Variants in WWOX observed in about 807,000 individuals in gnomAD.
The protein encoded by WWOX is WW domain-containing oxidoreductase.
WWOX carries 69 observed loss-of-function variants against 46.2 expected under a neutral mutation model. The observed-to-expected ratio is 1.49, with a 90% CI of 1.23 to 1.82. The LOEUF (loss-of-function observed/expected upper bound fraction) is 1.82. Among genes scored for constraint, WWOX ranks in the 40% most tolerant of loss-of-function variants. The pLI is 0.00. For missense variants in WWOX, 919 were observed against 542.6 expected, an observed-to-expected ratio of 1.69 and a Z score of -6.89; for synonymous variants, 359 against 202.6, an observed-to-expected ratio of 1.77 and a Z score of -6.56.
At chr16:78,382,616 A>C (rs1018603617) in intron 5 of WWOX, among the ~76,000 whole-genome samples, 2 of 152,206 alleles carry the variant, frequency 1.3e-5, no homozygotes, top group African/African-American at 4.8e-5. Context: ...TGGTTTTGCC[A>C]ATGAAGAGAG....
At chr16:78,727,351 A>T (rs1392515066) in intron 8 of WWOX, among the ~76,000 whole-genome samples, 2 of 152,174 alleles carry the variant, frequency 1.3e-5, no homozygotes, top group Non-Finnish European at 2.9e-5. Flanking sequence ...GTGAGCTGAG[A>T]TCCAGCCTGG....
rs1031010387 is a variant in WWOX at position 79,033,015 on chromosome 16, T to G, written c.1057-178593T>G. 8.6e-5 allele frequency among the ~76,000 whole-genome samples: 13 copies of G among 151,748 alleles called. No individual in the cohort carries two copies. In the East Asian group the frequency reaches 2.3e-3, roughly 27 times the overall value. On this transcript the variant is annotated intron_variant, in intron 8 of 8. Transcript: ENST00000566780. ...GTTCCCACTTATAAGTGAGAACATA[T>G]GGTATTTGCATTTTCTGTTATTGAA...
intron 8 of WWOX, among the ~76,000 whole-genome samples, chr16:78,935,691 C>G (rs2045722403): frequency 6.6e-6 from 1 of 151,700 alleles, no homozygotes; most frequent in African/African-American, 2.4e-5. Flanking sequence ...ACCGACATGG[C>G]ACATGTATAC....
At chr16:78,939,916 C>G (rs12921094) in intron 8 of WWOX, among the ~76,000 whole-genome samples, 64,436 of 152,132 alleles carry the variant, frequency 0.42, 13,890 homozygotes, top group Middle Eastern at 0.49. Context: ...GTTGAAGGCC[C>G]AAGTTTACCC....
At chr16:78,500,751 G>T (rs150193988) in intron 8 of WWOX, among the ~76,000 whole-genome samples, 8 of 152,138 alleles carry the variant, frequency 5.3e-5, no homozygotes, top group Non-Finnish European at 7.4e-5. Flanking sequence ...CATTTAATTC[G>T]AAAGCTTTTT....
chr16:78,218,384 G>GC (rs1266861206), intron 5 of WWOX, among the ~76,000 whole-genome samples: 1 of 151,896 alleles, frequency 6.6e-6, no homozygotes, highest in Non-Finnish European at 1.5e-5. Context: ...ACCATGCCTG[G>GC]CCTTTGCTTG....
chr16:78,619,931 A>G (rs1264211443), intron 8 of WWOX, among the ~76,000 whole-genome samples: 4 of 152,092 alleles, frequency 2.6e-5, no homozygotes. Flanking sequence ...AATAAAAATA[A>G]AAGTAACAGA....
Position 78,817,172 on chromosome 16 carries a change from CTTTTTTT to C in WWOX, c.1056+384441_1056+384447del, listed in dbSNP as rs33981779. Among the ~76,000 whole-genome samples the C allele has an allele frequency of 4.9e-3, 251 of 51,594 alleles. No homozygotes were observed. The Middle Eastern group carries it at 0.062, about 13-fold the overall frequency. The allele number at this position is 51,594 out of a possible 152,430, so 33.8% of individuals were successfully genotyped here. On this transcript the variant is annotated intron_variant, in intron 8 of 8. Coordinates refer to ENST00000566780, the MANE Select transcript of WWOX (RefSeq NM_016373.4). ...GTTTTTCTTAAACATTAGTGCTATT[CTTTTTTT>C]TTTTTTTTTTTTTTTTTTTTCCTTC...
At chr16:78,357,858 T>C (rs1289864009) in intron 5 of WWOX, among the ~76,000 whole-genome samples, 3 of 152,206 alleles carry the variant, frequency 2.0e-5, no homozygotes, top group African/African-American at 7.2e-5. Context: ...AGCTAACCAG[T>C]AGCAGAGCTG....
intron 8 of WWOX, among the ~76,000 whole-genome samples, chr16:78,831,210 G>C (rs371676102): frequency 3.6e-5 from 5 of 139,320 alleles, no homozygotes; most frequent in African/African-American, 1.4e-4. Context: ...TGTGACTTTC[G>C]AGGTCATGTT....
intron 4 of WWOX, among the ~76,000 whole-genome samples, chr16:78,152,582 T>C (rs761955299): frequency 1.3e-5 from 2 of 152,212 alleles, no homozygotes; most frequent in African/African-American, 2.4e-5. Flanking sequence ...GTAGTTACCC[T>C]TGTAGAATCT....
intron 8 of WWOX, among the ~76,000 whole-genome samples, chr16:78,629,384 G>C (rs1353108985): frequency 6.6e-6 from 1 of 152,142 alleles, no homozygotes; most frequent in Non-Finnish European, 1.5e-5. Flanking sequence ...TTGTCAGTAA[G>C]ATTTCTCACT....
intron 8 of WWOX, among the ~76,000 whole-genome samples, chr16:78,723,132 C>A (rs28711881): frequency 2.0e-5 from 3 of 152,072 alleles, no homozygotes; most frequent in African/African-American, 7.2e-5. Flanking sequence ...AAGATCATCC[C>A]GTCAACTGCT....
chr16:78,309,767 G>T lies in WWOX; in HGVS notation c.517-77093G>T, dbSNP rs1277317901. ...AATGCTGTTAATAAGAGAAATGAAA[G>T]GATGATGGGAGATGTGCACCCAGCA... is the stretch of plus-strand genomic sequence containing the variant. On this transcript the variant is annotated intron_variant, in intron 5 of 8. Transcript: ENST00000566780. Among the ~76,000 whole-genome samples the T allele has an allele frequency of 2.0e-5, 3 of 152,166 alleles. No individual in the cohort carries two copies. The East Asian group carries it at 5.8e-4, about 29-fold the overall frequency.
At chr16:78,970,296 GC>G (rs2046444928) in intron 8 of WWOX, among the ~76,000 whole-genome samples, 1 of 152,128 alleles carries the variant, frequency 6.6e-6, no homozygotes, top group Non-Finnish European at 1.5e-5. Flanking sequence ...TTGATTCTCT[GC>G]CCTTCCCCAC....
chr16:78,423,311 G>A (rs749966629), intron 6 of WWOX, among the ~76,000 whole-genome samples: 11 of 151,800 alleles, frequency 7.2e-5, no homozygotes, highest in Admixed American at 1.3e-4. Context: ...TTATAAGGTC[G>A]GTAGATTTGT....
At chr16:78,969,835 G>C (rs183159939) in intron 8 of WWOX, among the ~76,000 whole-genome samples, 1 of 152,290 alleles carries the variant, frequency 6.6e-6, no homozygotes, top group Admixed American at 6.5e-5. Context: ...GTTGCCAGGG[G>C]CTGGGGATGG....
At chr16:78,257,259 G>C (rs2038157121) in intron 5 of WWOX, among the ~76,000 whole-genome samples, 1 of 152,146 alleles carries the variant, frequency 6.6e-6, no homozygotes, top group African/African-American at 2.4e-5. Flanking sequence ...TCTTATGTAG[G>C]AAGGGGAAAT....
intron 5 of WWOX, among the ~76,000 whole-genome samples, chr16:78,309,359 C>G (rs111428856): frequency 3.3e-5 from 5 of 152,284 alleles, no homozygotes; most frequent in African/African-American, 9.6e-5. Context: ...GCCTCCCCAG[C>G]CATGCTGAAC....
Sources: allele counts gnomAD v4.1 joint callset (sites outside exome capture counted in the v4.1 genomes callset), GRCh38; gene constraint gnomAD v4.1.1; transcripts MANE v1.5; gene names NCBI Gene and HGNC (gene_info 2026-07-23, HGNC 2026-07-21).